The following TMEM132D variants were observed in gnomAD, a reference collection of about 807,000 sequenced individuals.
TMEM132D encodes the protein transmembrane protein 132D.
A neutral mutation model predicts 62.3 loss-of-function variants in TMEM132D; 21 were observed. The observed-to-expected ratio is 0.34, with a 90% CI of 0.24 to 0.49. The LOEUF is 0.49. Ranked by LOEUF, TMEM132D falls within the 20% of genes least tolerant of loss-of-function variation. TMEM132D has a pLI of 0.99. For missense variants in TMEM132D, 1,346 were observed against 1,402.8 expected (o/e 0.96, Z 0.65); for synonymous variants, 621 against 575.6 (o/e 1.08, Z -1.13).
intron 5 of TMEM132D, among the ~76,000 whole-genome samples, chr12:129,184,803 G>A (rs1878178144): frequency 6.6e-6 from 1 of 151,150 alleles, no homozygotes. Flanking sequence ...ATCACCTTTG[G>A]CTGTTTCATC....
In TMEM132D at chr12:129,681,847, G is replaced by A. The variant is rs138364038; in HGVS notation, c.968+17963C>T. Among the ~76,000 whole-genome samples, 348 of 152,330 alleles carry A rather than the reference G, an allele frequency of 2.3e-3. 3 individuals are homozygous for A. The highest frequency in any genetic ancestry group is 8.1e-3 in the African/African-American group (338 of 41,566). On this transcript the variant is annotated intron_variant, in intron 2 of 8. Coordinates refer to ENST00000422113, the MANE Select transcript of TMEM132D (RefSeq NM_133448.3). ...CTGCAGCTGTGATTGGATGCACTGA[G>A]CTGATTTTTGGAAACATCTGTCTCA... is the stretch of plus-strand genomic sequence containing the variant.
intron 4 of TMEM132D, among the ~76,000 whole-genome samples, chr12:129,302,448 G>A (rs1306926473): frequency 1.3e-5 from 2 of 152,326 alleles, no homozygotes; most frequent in African/African-American, 2.4e-5. Context: ...GCCAGGATAT[G>A]TCTCCGAGGG....
At chr12:129,621,798 AGCT>A (rs1423803633) in intron 2 of TMEM132D, among the ~76,000 whole-genome samples, 1 of 152,184 alleles carries the variant, frequency 6.6e-6, no homozygotes, top group Non-Finnish European at 1.5e-5. Context: ...AGAGACACAC[AGCT>A]GTTTACCTGA....
chr12:129,710,532 G>A (rs757428889), intron 1 of TMEM132D, among the ~76,000 whole-genome samples: 1 of 152,132 alleles, frequency 6.6e-6, no homozygotes, highest in Non-Finnish European at 1.5e-5. Context: ...CCCGACCTCA[G>A]GTGATCCACC....
intron 4 of TMEM132D, among the ~76,000 whole-genome samples, chr12:129,318,997 G>C (rs914919355): frequency 6.6e-6 from 1 of 152,162 alleles, no homozygotes; most frequent in African/African-American, 2.4e-5. Flanking sequence ...TCTGTCTCCA[G>C]GCGGAGGGTG....
chr12:129,312,091 G>T (rs902081209), intron 4 of TMEM132D, among the ~76,000 whole-genome samples: 2 of 152,214 alleles, frequency 1.3e-5, no homozygotes, highest in Admixed American at 6.5e-5. Flanking sequence ...TCGCAAGACT[G>T]GCGAGGAGAC....
In TMEM132D at chr12:129,779,948, G is replaced by A. The variant is rs905796244; in HGVS notation, c.80-79250C>T. Among the ~76,000 whole-genome samples, 11 of 152,056 alleles carry A rather than the reference G, an allele frequency of 7.2e-5. No individual in the cohort carries two copies. Among genetic ancestry groups the A allele is most frequent in the African/African-American group, 2.2e-4 (9 of 41,474 alleles). The stretch of plus-strand genomic sequence containing the variant: ...CCAGAAATCCTTACAACCATCCTCC[G>A]AGAAAGCACTGTCAGCCCCATTTCA... On this transcript the variant is annotated intron_variant, in intron 1 of 8. Transcript: ENST00000422113. This position sits in a 1 kb window ranked among gnomAD's most constrained non-coding sequence, Gnocchi z 4.1.
intron 4 of TMEM132D, among the ~76,000 whole-genome samples, chr12:129,264,411 A>C (rs1243925398): frequency 2.0e-5 from 3 of 152,138 alleles, no homozygotes; most frequent in Non-Finnish European, 4.4e-5. Context: ...ATCCTCCCCC[A>C]AAACCAGTAC....
chr12:129,411,511 C>G (rs971821119), intron 3 of TMEM132D, among the ~76,000 whole-genome samples: 3 of 151,994 alleles, frequency 2.0e-5, no homozygotes, highest in African/African-American at 7.2e-5. Flanking sequence ...TGGGACCATG[C>G]CCAGCTAATT....
At chr12:129,526,877 G>A (rs1044729363) in intron 3 of TMEM132D, among the ~76,000 whole-genome samples, 5 of 152,340 alleles carry the variant, frequency 3.3e-5, no homozygotes, top group Admixed American at 6.5e-5. Flanking sequence ...TTCACATGGT[G>A]TTGAAGAAAG....
At position 129,700,266 on chromosome 12, in the gene TMEM132D, A is replaced by G. The variant is rs762069517; in HGVS notation, c.512T>C (p.Phe171Ser). 17 of 1,613,374 alleles carry G rather than the reference A, an allele frequency of 1.1e-5. No homozygotes were observed. The highest frequency in any genetic ancestry group is 1.4e-5 in the Non-Finnish European group (16 of 1,180,002). The change falls in exon 2 of 9, where the codon TTT becomes TCT. Residue 171 changes from phenylalanine (F) to serine (S), a missense_variant. Coordinates refer to ENST00000422113, the MANE Select transcript of TMEM132D (RefSeq NM_133448.3). ...CACCTCTCGGGTCTCTCGGAAAGCA[A>G]AGACCCTCAGGCACGGCAGCTTCTC... The part of the protein sequence containing the change: ...AGEKLPCLRV[F>S]AFRETREVRG...
At chr12:129,505,531 C>T (rs1186105409) in intron 3 of TMEM132D, among the ~76,000 whole-genome samples, 3 of 152,214 alleles carry the variant, frequency 2.0e-5, no homozygotes, top group African/African-American at 7.2e-5. Context: ...GCATGAGCCA[C>T]CACGCCTGGC....
intron 1 of TMEM132D, among the ~76,000 whole-genome samples, chr12:129,881,356 T>TG (rs1456454816): frequency 2.6e-5 from 4 of 151,940 alleles, no homozygotes; most frequent in African/African-American, 7.2e-5. Flanking sequence ...CTCATCTAAT[T>TG]GACATTTACA....
At chr12:129,220,076 T>A (rs1373603767) in intron 4 of TMEM132D, among the ~76,000 whole-genome samples, 1 of 152,170 alleles carries the variant, frequency 6.6e-6, no homozygotes, top group Non-Finnish European at 1.5e-5. Flanking sequence ...AAGAATATTG[T>A]ATCAGTCAGG....
chr12:129,202,314 C>T (rs1465846120), intron 5 of TMEM132D, among the ~76,000 whole-genome samples: 1 of 152,198 alleles, frequency 6.6e-6, no homozygotes, highest in Non-Finnish European at 1.5e-5. Context: ...TAACAGCCTC[C>T]AAATGACACC....
intron 3 of TMEM132D, among the ~76,000 whole-genome samples, chr12:129,517,044 T>C (rs897876129): frequency 2.0e-5 from 3 of 152,154 alleles, no homozygotes; most frequent in African/African-American, 7.2e-5. Context: ...ATTAGTCTCA[T>C]CTGGAGGTTC....
At chr12:129,829,797 A>G (rs930326981) in intron 1 of TMEM132D, among the ~76,000 whole-genome samples, 11 of 152,170 alleles carry the variant, frequency 7.2e-5, no homozygotes, top group African/African-American at 2.7e-4. Context: ...GAAATCATCC[A>G]AAGCCAAGAC....
chr12:129,326,291 T>G (rs929038000), intron 4 of TMEM132D, among the ~76,000 whole-genome samples: 24 of 152,250 alleles, frequency 1.6e-4, no homozygotes, highest in Non-Finnish European at 1.0e-4. Context: ...AATTGGGGAT[T>G]GTAGGGGGGG....
At chr12:129,086,767 AAT>A (rs1342256738) in intron 5 of TMEM132D, among the ~76,000 whole-genome samples, 14 of 150,168 alleles carry the variant, frequency 9.3e-5, no homozygotes, top group African/African-American at 2.7e-4. Context: ...ATAAATTTGA[AAT>A]ATATATTTAT....
Sources: gnomAD v4.1 joint callset for allele counts (sites outside exome capture counted in the v4.1 genomes callset) on GRCh38, gnomAD v4.1.1 for gene constraint, Gnocchi (gnomAD v3.1) non-coding constraint, MANE v1.5 for transcripts, NCBI Gene and HGNC (gene_info 2026-07-23, HGNC 2026-07-21) for gene names.